The following FHAD1 variants were observed in gnomAD, a reference collection of about 807,000 sequenced individuals.
FHAD1 encodes the protein forkhead associated phosphopeptide binding domain 1.
A neutral mutation model predicts 191.3 loss-of-function variants in FHAD1; 146 were observed. The ratio of observed to expected loss-of-function variants is 0.76; its 90% CI spans 0.67 to 0.88. FHAD1 has a LOEUF of 0.88. FHAD1 is among the 40% of genes least tolerant of loss of function. The probability of loss-of-function intolerance (pLI) is 0.00; values close to 1 mark genes in which losing one functional copy is unlikely to be tolerated. For missense variants in FHAD1, 1,635 were observed against 1,785.8 expected (o/e 0.92, Z 1.52); for synonymous variants, 616 against 672.3 (o/e 0.92, Z 1.29).
chr1:15,248,902 T>A (rs960057970), intron 1 of FHAD1, among the ~76,000 whole-genome samples: 4 of 149,684 alleles, frequency 2.7e-5, no homozygotes, highest in African/African-American at 9.8e-5. Flanking sequence ...ATGACATTTT[T>A]ATCATAAATC....
At chr1:15,371,747 GCGCTGGAAGGGAACCAGCCA>G (rs1323911258) in intron 26 of FHAD1, among the ~76,000 whole-genome samples, 3 of 152,212 alleles carry the variant, frequency 2.0e-5, no homozygotes, top group Admixed American at 6.5e-5. Context: ...TGTAGAGCCA[GCGCTGGAAGGGAACCAGCCA>G]CGCATCCTGT....
intron 2 of FHAD1, among the ~76,000 whole-genome samples, chr1:15,254,529 A>T (rs1307863630): frequency 6.6e-6 from 1 of 152,152 alleles, no homozygotes; most frequent in African/African-American, 2.4e-5. Flanking sequence ...ATCCACTGAT[A>T]CTAACAAGCT....
chr1:15,392,585 G>A (rs775799969), intron 33 of FHAD1, among the ~76,000 whole-genome samples: 3 of 152,018 alleles, frequency 2.0e-5, no homozygotes, highest in Non-Finnish European at 4.4e-5. Context: ...TGGGGTCTCC[G>A]TCCTCTATAG....
At chr1:15,308,172 G>A (rs1008056957) in intron 6 of FHAD1, among the ~76,000 whole-genome samples, 6 of 152,222 alleles carry the variant, frequency 3.9e-5, no homozygotes, top group Non-Finnish European at 8.8e-5. Flanking sequence ...GGCTTTGTAG[G>A]TTCTAGAGTG....
chr1:15,237,922 G>C (rs1644955338), intron 1 of FHAD1, among the ~76,000 whole-genome samples: 1 of 152,090 alleles, frequency 6.6e-6, no homozygotes, highest in Non-Finnish European at 1.5e-5. Flanking sequence ...GCGAGCGATG[G>C]GGATGACCTG....
upstream of FHAD1, among the ~76,000 whole-genome samples, chr1:15,242,473 A>G (rs1326341191): frequency 6.6e-6 from 1 of 152,160 alleles, no homozygotes; most frequent in Non-Finnish European, 1.5e-5. Flanking sequence ...TGTTAACCAC[A>G]TTCATAAAGG....
chr1:15,387,612 T>G (rs1702458481), intron 31 of FHAD1, among the ~76,000 whole-genome samples: 1 of 151,956 alleles, frequency 6.6e-6, no homozygotes, highest in South Asian at 2.1e-4. Flanking sequence ...TAGCTGGGTG[T>G]GGTGACTCAC....
rs534823600 is a variant in FHAD1 at position 15,396,809 on chromosome 1, C to G, written c.4324-488C>G. 2.6e-5 allele frequency among the ~76,000 whole-genome samples: 4 copies of G among 151,584 alleles called. No homozygotes were observed. In the East Asian group the frequency reaches 7.8e-4, roughly 29 times the overall value. The stretch of plus-strand genomic sequence containing the variant: ...TGGGCCACAGAACAAGACTCTGTCT[C>G]AAAAAATAATAATAATAAGTAAATA... On this transcript the variant is annotated intron_variant, in intron 33 of 33. Transcript: ENST00000688493.
rs555623090 is a variant in FHAD1, at chr1:15,352,925, A to T, written c.2503A>T (p.Met835Leu). The T allele has an allele frequency of 9.0e-5, 139 of 1,551,462 alleles. 2 individuals are homozygous for T. In the South Asian group the frequency reaches 1.3e-3, roughly 15 times the overall value. The change falls in exon 20 of 34, where the codon ATG becomes TTG. Residue 835 changes from methionine to leucine, a missense_variant. By Grantham distance (15) the Met-to-Leu change is conservative. Coordinates refer to ENST00000688493, the MANE Select transcript of FHAD1 (RefSeq NM_001391957.1). The part of the protein sequence containing the change: ...AYEKRKAKEA[M>L]EKEKKKVQDL... The stretch of plus-strand genomic sequence containing the variant: ...CGAGAAACGCAAAGCAAAGGAGGCC[A>T]TGGAGAAGGAAAAGAAAAAGGTGCA...
intron 32 of FHAD1, among the ~76,000 whole-genome samples, chr1:15,390,485 G>A (rs977937557): frequency 2.0e-5 from 3 of 151,976 alleles, no homozygotes; most frequent in Non-Finnish European, 4.4e-5. Context: ...AAGGACCCCG[G>A]CCCCTGGGTT....
At chr1:15,354,110 C>A (rs538555901) in intron 20 of FHAD1, among the ~76,000 whole-genome samples, 1 of 152,290 alleles carries the variant, frequency 6.6e-6, no homozygotes, top group African/African-American at 2.4e-5. Context: ...CTAAAAAGGT[C>A]TCTATTCACA....
At chr1:15,341,980 A>G (rs901959600) in intron 16 of FHAD1, 92 bp downstream of exon 16, 2 of 1,116,950 alleles carry the variant, frequency 1.8e-6, no homozygotes, top group African/African-American at 3.2e-5. Flanking sequence ...AGACAGAGAA[A>G]TCTCAGCTAC....
chr1:15,339,555 ATTCTT>A lies in FHAD1; in HGVS notation c.1977+7_1977+11del. On this transcript the variant is annotated splice_donor_5th_base_variant and intron_variant, in intron 15 of 33. Transcript: ENST00000688493. ...GAGCCAGGCCCAGGAACTTCAGGTA[ATTCTT>A]TTAATTTCTTTTTTTCCAAAGTTCA... 7.9e-7 allele frequency: 1 copy of A among 1,266,772 alleles called. No homozygotes were observed. Among genetic ancestry groups the A allele is most frequent in the Non-Finnish European group, 1.0e-6 (1 of 962,500 alleles). The allele number at this position is 1,266,772 out of a possible 1,614,324, so 78.5% of individuals were successfully genotyped here.
rs548500735 is a variant in FHAD1 at position 15,345,885 on chromosome 1, T to C, written c.2346+362T>C. ...CTGCGTGGACCCTCCACCAGCATCC[T>C]AAAAGCCTCCAGCCTTCAGCACCAC... On this transcript the variant is annotated intron_variant, in intron 18 of 33. Coordinates refer to ENST00000688493, the MANE Select transcript of FHAD1 (RefSeq NM_001391957.1). 1.1e-4 allele frequency among the ~76,000 whole-genome samples: 16 copies of C among 152,222 alleles called. No individual in the cohort carries two copies. In the South Asian group the frequency reaches 1.7e-3, roughly 16 times the overall value.
At chr1:15,385,343 G>A (rs1701879626) in intron 31 of FHAD1, among the ~76,000 whole-genome samples, 1 of 151,320 alleles carries the variant, frequency 6.6e-6, no homozygotes, top group Non-Finnish European at 1.5e-5. Flanking sequence ...AAATCTCAGT[G>A]CCCCTTCATA....
rs1675358508 is a variant in FHAD1, at chr1:15,318,814, A to G, written c.1365+886A>G. Among the ~76,000 whole-genome samples, 1 of 152,194 alleles carries G rather than the reference A, an allele frequency of 6.6e-6. No individual in the cohort carries two copies. The highest frequency in any genetic ancestry group is 2.1e-4 in the South Asian group (1 of 4,836). ...TTTTAAATTAATGGTGACCTCTTTT[A>G]GCAACATAACCAATTGAAGAGTTGT... On this transcript the variant is annotated intron_variant, in intron 10 of 33. Coordinates refer to ENST00000688493, the MANE Select transcript of FHAD1 (RefSeq NM_001391957.1). This position sits in a 1 kb window ranked among gnomAD's most constrained non-coding sequence, Gnocchi z 4.1.
In FHAD1 at chr1:15,352,897, G is replaced by A. The variant is rs35368057; in HGVS notation, c.2475G>A (p.Ala825=). The A allele has an allele frequency of 0.011, 16,898 of 1,551,206 alleles. 104 individuals carry two copies. The highest frequency in any genetic ancestry group is 0.016 in the African/African-American group (1,132 of 73,014). The change falls in exon 20 of 34, where the codon GCG becomes GCA. Residue 825 remains alanine, a synonymous_variant. Transcript: ENST00000688493. ...QQKEISESNI[A]YEKRKAKEAM... is the part of the protein sequence containing the mutation. ...TCCAGATCTCAGAGAGCAACATTGC[G>A]TACGAGAAACGCAAAGCAAAGGAGG... is the stretch of plus-strand genomic sequence containing the variant.
intron 26 of FHAD1, among the ~76,000 whole-genome samples, chr1:15,370,561 C>G (rs1467174534): frequency 6.6e-6 from 1 of 152,162 alleles, no homozygotes; most frequent in Non-Finnish European, 1.5e-5. Flanking sequence ...AACTGCCTTC[C>G]CGAAGAGCCA....
chr1:15,326,980 G>T (rs1221346226), intron 11 of FHAD1, 79 bp from the exon 12 acceptor site: 7 of 847,792 alleles, frequency 8.3e-6, no homozygotes, highest in Non-Finnish European at 1.2e-5. Flanking sequence ...GGTGTTTCCC[G>T]CACCCTGCCA....
Sources: allele counts gnomAD v4.1 joint callset (sites outside exome capture counted in the v4.1 genomes callset), GRCh38; gene constraint gnomAD v4.1.1; non-coding constraint Gnocchi (gnomAD v3.1); transcripts MANE v1.5; gene names NCBI Gene and HGNC (gene_info 2026-07-23, HGNC 2026-07-21).